The following MBNL2 variants were observed in gnomAD, a reference collection of about 807,000 sequenced individuals.
The protein encoded by MBNL2 is muscleblind like splicing regulator 2.
A neutral mutation model predicts 41.9 loss-of-function variants in MBNL2; 17 were observed. The observed-to-expected ratio is 0.41, with a 90% CI of 0.28 to 0.61. The LOEUF (loss-of-function observed/expected upper bound fraction) is 0.61. Among genes scored for constraint, MBNL2 ranks in the 20% least tolerant of loss-of-function variants. The pLI is 0.35. For synonymous variants in MBNL2, 195 were observed against 182.9 expected (o/e 1.07, Z -0.53); for missense variants, 336 against 505.6 (o/e 0.66, Z 3.22).
intron 1 of MBNL2, among the ~76,000 whole-genome samples, chr13:97,224,031 C>T (rs946383012): frequency 3.9e-5 from 6 of 152,190 alleles, no homozygotes; most frequent in Non-Finnish European, 8.8e-5. Context: ...AAACCTGTCC[C>T]CTCATAAATA....
the MBNL2 span, among the ~76,000 whole-genome samples, chr13:97,197,742 A>G: frequency 6.6e-6 from 1 of 152,186 alleles, no homozygotes; most frequent in East Asian, 1.9e-4. Context: ...GTTTCTCTAG[A>G]GAATAATATT....
At chr13:97,208,668 G>A in the MBNL2 span, among the ~76,000 whole-genome samples, 3 of 152,170 alleles carry the variant, frequency 2.0e-5, no homozygotes, top group South Asian at 6.2e-4. Flanking sequence ...AAGAGCCAGG[G>A]CAGAAACACA....
chr13:97,222,180 T>A (rs1054422861), upstream of MBNL2: 2 of 375,840 alleles, frequency 5.3e-6, no homozygotes, highest in East Asian at 7.6e-5. Context: ...GATGCACTGT[T>A]TTTACACACT....
chr13:97,353,167 T>C (rs1444989330), intron 5 of MBNL2, among the ~76,000 whole-genome samples: 5 of 152,212 alleles, frequency 3.3e-5, no homozygotes, highest in African/African-American at 1.2e-4. Flanking sequence ...GTGCCCAAAT[T>C]TGGAGTTCTG....
chr13:97,391,504 T>TCTCATATTTAATA lies in MBNL2; in HGVS notation c.*62_*63insTTAATACTCATAT. On this transcript the variant is annotated 3_prime_UTR_variant, in exon 9 of 9. Coordinates refer to ENST00000679496, the MANE Select transcript of MBNL2 (RefSeq NM_001382683.1). ...CAACTCTAAGAAGCTAGTGCTGCTATCTCATATATGAGTATTAAATATGGT... is the reference window on the plus strand; with the variant it reads ...CAACTCTAAGAAGCTAGTGCTGCTATCTCATATTTAATACTCATATATGAGTATTAAATATGGT... The TCTCATATTTAATA allele has an allele frequency of 1.2e-6, 1 of 803,746 alleles. No individual in the cohort carries two copies. Among genetic ancestry groups the TCTCATATTTAATA allele is most frequent in the Non-Finnish European group, 2.2e-6 (1 of 447,630 alleles). 49.8% of individuals were successfully genotyped at this position (803,746 alleles called of 1,614,324 possible).
intron 8 of MBNL2, among the ~76,000 whole-genome samples, chr13:97,390,792 C>A (rs1272112936): frequency 6.6e-6 from 1 of 151,922 alleles, no homozygotes; most frequent in Non-Finnish European, 1.5e-5. Context: ...AACTGGTTGT[C>A]GTTATGTGTT....
the MBNL2 span, among the ~76,000 whole-genome samples, chr13:97,162,557 G>A: frequency 1.3e-5 from 2 of 152,160 alleles, no homozygotes; most frequent in Non-Finnish European, 2.9e-5. Flanking sequence ...TATGGCTGAG[G>A]GAATTATAAA....
At chr13:97,223,583 A>T (rs555335450) in intron 1 of MBNL2, among the ~76,000 whole-genome samples, 1 of 152,230 alleles carries the variant, frequency 6.6e-6, no homozygotes, top group Non-Finnish European at 1.5e-5. Context: ...CACCACCTTG[A>T]ATGTTCTACA....
chr13:97,375,815 TAGA>T (rs2064911453), intron 8 of MBNL2, among the ~76,000 whole-genome samples: 1 of 152,166 alleles, frequency 6.6e-6, no homozygotes, highest in Non-Finnish European at 1.5e-5. Context: ...TATCTCATGA[TAGA>T]AGAAGAGAGA....
intron 1 of MBNL2, among the ~76,000 whole-genome samples, chr13:97,225,708 C>T (rs566588867): frequency 6.6e-6 from 1 of 152,312 alleles, no homozygotes; most frequent in South Asian, 2.1e-4. Context: ...AAGCACAGAT[C>T]CCTGGGGCAT....
chr13:97,149,011 G>A, the MBNL2 span, among the ~76,000 whole-genome samples: 2 of 152,208 alleles, frequency 1.3e-5, no homozygotes, highest in Admixed American at 6.5e-5. Context: ...GACTTTCCAC[G>A]CAATATGTTT....
At chr13:97,371,797 A>T (rs74106946) in intron 8 of MBNL2, among the ~76,000 whole-genome samples, 4,325 of 152,298 alleles carry the variant, frequency 0.028, 224 homozygotes, top group African/African-American at 0.1. Context: ...GAAACATAAA[A>T]ATGATTTTGT....
chr13:97,389,253 C>T (rs2066194639), intron 8 of MBNL2, among the ~76,000 whole-genome samples: 1 of 152,176 alleles, frequency 6.6e-6, no homozygotes, highest in African/African-American at 2.4e-5. Flanking sequence ...AGGTAACTTC[C>T]ATAACCCACG....
At chr13:97,152,610 A>G in the MBNL2 span, among the ~76,000 whole-genome samples, 2 of 152,222 alleles carry the variant, frequency 1.3e-5, no homozygotes, top group Non-Finnish European at 2.9e-5. Context: ...TGGAAAGAAG[A>G]GAAAAATAAT....
the MBNL2 span, among the ~76,000 whole-genome samples, chr13:97,196,539 T>C: frequency 6.6e-6 from 1 of 151,986 alleles, no homozygotes; most frequent in Admixed American, 6.6e-5. Context: ...CACCTTTAGG[T>C]CTGGAGGGGA....
intron 8 of MBNL2, among the ~76,000 whole-genome samples, chr13:97,371,586 G>A (rs1426509152): frequency 6.6e-6 from 1 of 151,946 alleles, no homozygotes; most frequent in Non-Finnish European, 1.5e-5. Flanking sequence ...GCCCTGACTT[G>A]GCCACTGAAG....
At chr13:97,280,532 C>CT (rs1370230203) in intron 2 of MBNL2, among the ~76,000 whole-genome samples, 2 of 152,146 alleles carry the variant, frequency 1.3e-5, no homozygotes, top group Admixed American at 6.5e-5. Context: ...CAGCGAGATC[C>CT]TTTTTAACAC....
the MBNL2 span, among the ~76,000 whole-genome samples, chr13:97,155,556 C>G: frequency 6.7e-6 from 1 of 149,076 alleles, no homozygotes; most frequent in Non-Finnish European, 1.5e-5. Context: ...CTCCCCACAC[C>G]CCACAACAGT....
intron 8 of MBNL2, among the ~76,000 whole-genome samples, chr13:97,389,139 G>A (rs747950764): frequency 2.6e-5 from 4 of 152,314 alleles, no homozygotes; most frequent in Middle Eastern, 3.4e-3. Flanking sequence ...GTCTGGGTGA[G>A]ACTAGTTTAT....
Sources: gnomAD v4.1 joint callset for allele counts (sites outside exome capture counted in the v4.1 genomes callset) on GRCh38, gnomAD v4.1.1 for gene constraint, MANE v1.5 for transcripts, NCBI Gene and HGNC (gene_info 2026-07-23, HGNC 2026-07-21) for gene names.